The following EXTL1 variants were observed in gnomAD, a reference collection of about 807,000 sequenced individuals.
The protein encoded by EXTL1 is exostosin like glycosyltransferase 1.
Under a neutral mutation model 64.6 loss-of-function variants are expected in EXTL1, and 43 were observed. That is an observed-to-expected ratio of 0.67 (90% CI 0.52 to 0.86). The LOEUF (loss-of-function observed/expected upper bound fraction) is 0.86, where lower values mean the gene tolerates loss of function less well. Ranked by LOEUF, EXTL1 falls within the 40% of genes least tolerant of loss-of-function variation. EXTL1 has a pLI of 0.00. For missense variants in EXTL1, 766 were observed against 879.0 expected (o/e 0.87, Z 1.62); for synonymous variants, 352 against 360.5 (o/e 0.98, Z 0.27).
chr1:26,034,803 T>C lies in EXTL1; in HGVS notation c.1680-33T>C, dbSNP rs1214946204. ...AATGGGGCCTGGGGATGGATTTGGC[T>C]GCAGCCTCTCCCTGTCTTTTCCTCT... On this transcript the variant is annotated intron_variant, in intron 9 of 10. Coordinates refer to ENST00000374280, the MANE Select transcript of EXTL1 (RefSeq NM_004455.3). This position sits in a 1 kb window ranked among gnomAD's most constrained non-coding sequence, Gnocchi z 4.6. The C allele has an allele frequency of 6.2e-7, 1 of 1,601,048 alleles. No individual in the cohort carries two copies. The highest frequency in any genetic ancestry group is 8.5e-7 in the Non-Finnish European group (1 of 1,170,518).
intron 1 of EXTL1, among the ~76,000 whole-genome samples, chr1:26,027,207 A>C (rs530016828): frequency 6.6e-6 from 1 of 152,172 alleles, no homozygotes; most frequent in Non-Finnish European, 1.5e-5. Context: ...AGAGACAGGC[A>C]AGTCAATTGT....
At chr1:26,030,384 G>C in intron 3 of EXTL1, 92 bp from the exon 4 acceptor site, 1 of 907,776 alleles carries the variant, frequency 1.1e-6, no homozygotes, top group East Asian at 2.8e-5. Flanking sequence ...TCAGGCTGGA[G>C]TGCAGTGGCA....
In EXTL1 at chr1:26,033,870, C is replaced by G; in HGVS notation, c.1679+14C>G. The G allele has an allele frequency of 6.2e-7, 1 of 1,606,896 alleles. No homozygotes were observed. Among genetic ancestry groups the G allele is most frequent in the African/African-American group, 1.3e-5 (1 of 74,796 alleles). ...CTTCTACCATAGGTACAGACCCCTA[C>G]CCTGCACAGGGATCAGAGTATCAGA... On this transcript the variant is annotated intron_variant, in intron 9 of 10. Transcript: ENST00000374280. This position sits in a 1 kb window ranked among gnomAD's most constrained non-coding sequence, Gnocchi z 5.1.
rs2050319939 is a variant in EXTL1 at position 26,034,662 on chromosome 1, G to A, written c.1680-174G>A. Among the ~76,000 whole-genome samples, 1 of 152,198 alleles carries A rather than the reference G, an allele frequency of 6.6e-6. No homozygotes were observed. The highest frequency in any genetic ancestry group is 2.1e-4 in the South Asian group (1 of 4,828). ...ACACCACTAACTGCAGATAAGCCAC[G>A]GGGCACAGCACAATGGAGAGCTGTT... On this transcript the variant is annotated intron_variant, in intron 9 of 10. Coordinates refer to ENST00000374280, the MANE Select transcript of EXTL1 (RefSeq NM_004455.3). The surrounding 1 kb of genome is among the most constrained non-coding windows in gnomAD (Gnocchi z 4.6).
chr1:26,024,991 A>C (rs376505105), intron 1 of EXTL1, among the ~76,000 whole-genome samples: 1 of 152,130 alleles, frequency 6.6e-6, no homozygotes, highest in Non-Finnish European at 1.5e-5. Context: ...CGGTTTTCTA[A>C]TTAGCGTGGG....
At position 26,022,339 on chromosome 1, in the gene EXTL1, C is replaced by A; in HGVS notation, c.-308C>A. ...CGTCAGCCAGAGCAGTGCCCAGGGG[C>A]AGGGGTCCCTGCTGGGAGGGAAAAG... On this transcript the variant is annotated 5_prime_UTR_variant, in exon 1 of 11. Coordinates refer to ENST00000374280, the MANE Select transcript of EXTL1 (RefSeq NM_004455.3). 1 of 343,446 alleles carries A rather than the reference C, an allele frequency of 2.9e-6. No individual in the cohort carries two copies. The highest frequency in any genetic ancestry group is 5.3e-6 in the Non-Finnish European group (1 of 188,066). The allele number at this position is 343,446 out of a possible 1,614,324, so 21.3% of individuals were successfully genotyped here.
Position 26,036,263 on chromosome 1 carries a change from T to C in EXTL1, c.*916T>C, listed in dbSNP as rs1430345370. The stretch of plus-strand genomic sequence containing the variant: ...GAAATCTGAAGAACAGCCCCATCTC[T>C]TTCGCCTGCACACTTGGAACTCAGC... On this transcript the variant is annotated 3_prime_UTR_variant, in exon 11 of 11. Coordinates refer to ENST00000374280, the MANE Select transcript of EXTL1 (RefSeq NM_004455.3). This position sits in a 1 kb window ranked among gnomAD's most constrained non-coding sequence, Gnocchi z 5.2. 1.3e-5 allele frequency: 2 copies of C among 152,672 alleles called. No individual in the cohort carries two copies. Among genetic ancestry groups the C allele is most frequent in the African/African-American group, 2.4e-5 (1 of 41,528 alleles). 9.5% of individuals were successfully genotyped at this position (152,672 alleles called of 1,614,324 possible).
In EXTL1 at chr1:26,021,917, C is replaced by T. The variant is rs2050152806; in HGVS notation, c.-730C>T. 6.5e-6 allele frequency: 1 copy of T among 152,760 alleles called. No individual in the cohort carries two copies. The highest frequency in any genetic ancestry group is 1.5e-5 in the Non-Finnish European group (1 of 68,460). 9.5% of individuals were successfully genotyped at this position (152,760 alleles called of 1,614,324 possible). On this transcript the variant is annotated 5_prime_UTR_variant, in exon 1 of 11. Transcript: ENST00000374280. ...GCTGCGGGGAAGAGGGGCTGCACTT[C>T]CTGAGCTGGTGCAGCGGCAGAGTGG... is the stretch of plus-strand genomic sequence containing the variant.
rs1380819682 is a variant in EXTL1 at position 26,029,590 on chromosome 1, C to T, written c.874-10C>T. On this transcript the variant is annotated splice_polypyrimidine_tract_variant and intron_variant, in intron 2 of 10. Transcript: ENST00000374280. Reference sequence around the variant, plus strand: ...GGGCTGGGCTCCCCAGTGACCTCCCCGCCCCCCAGGCCGGCTGCATCCCAG... The same window carrying T: ...GGGCTGGGCTCCCCAGTGACCTCCCTGCCCCCCAGGCCGGCTGCATCCCAG... The T allele has an allele frequency of 2.6e-5, 41 of 1,563,006 alleles. No individual in the cohort carries two copies. The highest frequency in any genetic ancestry group is 4.6e-5 in the South Asian group (4 of 87,848).
chr1:26,027,260 T>A (rs967146155), intron 1 of EXTL1, among the ~76,000 whole-genome samples: 1 of 152,138 alleles, frequency 6.6e-6, no homozygotes, highest in African/African-American at 2.4e-5. Flanking sequence ...ACCGGCTGCC[T>A]CCCTGGCTCC....
In EXTL1 at chr1:26,033,181, TG is replaced by T; in HGVS notation, c.1432-42del. 3.8e-6 allele frequency: 5 copies of T among 1,300,332 alleles called. No homozygotes were observed. The highest frequency in any genetic ancestry group is 5.6e-6 in the Non-Finnish European group (5 of 900,284). The allele number at this position is 1,300,332 out of a possible 1,614,324, so 80.5% of individuals were successfully genotyped here. A position where few individuals can be genotyped will look rare whatever the true frequency, so the allele number is the denominator to read the frequency against. On this transcript the variant is annotated intron_variant, in intron 7 of 10. Transcript: ENST00000374280. The surrounding 1 kb of genome is among the most constrained non-coding windows in gnomAD (Gnocchi z 5.1). ...ATGGCTCCTACTTATTGGATGGGGGTGGGGGGAATGTTCCAATGGCTGAGTT... is the reference window on the plus strand; with the variant it reads ...ATGGCTCCTACTTATTGGATGGGGGTGGGGGAATGTTCCAATGGCTGAGTT...
chr1:26,023,052 C>T lies in EXTL1; in HGVS notation c.406C>T (p.Leu136Phe), dbSNP rs745626569. The change falls in exon 1 of 11, where the codon CTC becomes TTC. Residue 136 changes from leucine (L) to phenylalanine (F), a missense_variant. This residue lies in a region of EXTL1 where 571 missense variants were observed against 647.6 expected (regional missense o/e 0.88). Transcript: ENST00000374280. ...FSPAGACLLLLLSLDAQTGEC... is the reference protein window; with the variant it reads ...FSPAGACLLLFLSLDAQTGEC... ...CCCTGCTGGGGCCTGCCTCCTCCTC[C>T]TCCTCAGCCTGGACGCCCAGACTGG... The T allele has an allele frequency of 2.2e-5, 35 of 1,613,822 alleles. No homozygotes were observed. Among genetic ancestry groups the T allele is most frequent in the Non-Finnish European group, 2.9e-5 (34 of 1,179,948 alleles).
intron 3 of EXTL1, 109 bp from the exon 4 acceptor site, chr1:26,030,367 C>G: frequency 1.2e-4 from 53 of 452,304 alleles, no homozygotes; most frequent in East Asian, 2.2e-4. Flanking sequence ...GGATCTTGCT[C>G]TGTTGCTCAG....
In EXTL1 at chr1:26,023,145, G is replaced by A. The variant is rs1432016753; in HGVS notation, c.499G>A (p.Ala167Thr). 6.2e-7 allele frequency: 1 copy of A among 1,613,934 alleles called. No individual in the cohort carries two copies. The highest frequency in any genetic ancestry group is 1.1e-5 in the South Asian group (1 of 91,078). Reference protein sequence around the residue: ...RNHLVLRLHPAPCPRTFQLGQ... With the variant: ...RNHLVLRLHPTPCPRTFQLGQ... ...CCATCTGGTCCTCCGTCTCCACCCGGCTCCCTGCCCCAGGACCTTCCAGCT... is the reference window on the plus strand; with the variant it reads ...CCATCTGGTCCTCCGTCTCCACCCGACTCCCTGCCCCAGGACCTTCCAGCT... Residue 167 changes from alanine to threonine, a missense_variant, in exon 1 of 11, where the codon GCT (alanine) becomes ACT (threonine). Physicochemically the swap from Ala to Thr is moderately conservative, Grantham distance 58. Around this residue, in one of 3 missense-constraint regions of EXTL1, gnomAD observed 571 missense variants for 647.6 expected, o/e 0.88. Transcript: ENST00000374280.
chr1:26,033,235 G>A lies in EXTL1; in HGVS notation c.1438G>A (p.Asp480Asn). The A allele has an allele frequency of 6.2e-7, 1 of 1,613,000 alleles. No individual in the cohort carries two copies. The change falls in exon 8 of 11, where the codon GAT (aspartate) becomes AAT (asparagine). Residue 480 changes from aspartate to asparagine, a missense_variant. Asp to Asn is a conservative substitution (Grantham distance 23). Coordinates refer to ENST00000374280, the MANE Select transcript of EXTL1 (RefSeq NM_004455.3). The surrounding 1 kb of genome is among the most constrained non-coding windows in gnomAD (Gnocchi z 5.1). ...TVIDGHRKVSDRFYPYSTIRT... is the reference protein window; with the variant it reads ...TVIDGHRKVSNRFYPYSTIRT... ...CCTCCCCCACTCCCTGCAGGTTAGT[G>A]ATCGCTTCTACCCATATAGCACCAT... is the stretch of plus-strand genomic sequence containing the variant.
In EXTL1 at chr1:26,035,258, C is replaced by G; in HGVS notation, c.1942C>G (p.Leu648Val). 1.2e-5 allele frequency: 19 copies of G among 1,613,714 alleles called. No homozygotes were observed. Among genetic ancestry groups the G allele is most frequent in the Non-Finnish European group, 1.6e-5 (19 of 1,179,956 alleles). Residue 648 changes from leucine to valine, a missense_variant, in exon 11 of 11, where the codon CTG (leucine) becomes GTG (valine). Coordinates refer to ENST00000374280, the MANE Select transcript of EXTL1 (RefSeq NM_004455.3). This position sits in a 1 kb window ranked among gnomAD's most constrained non-coding sequence, Gnocchi z 5.3. ...GGCAGCGTTCGGCCACATGCCCTTGCTGTCCTCTCGTCTGCGTCTGGACCC... is the reference window on the plus strand; with the variant it reads ...GGCAGCGTTCGGCCACATGCCCTTGGTGTCCTCTCGTCTGCGTCTGGACCC... ...IAAAFGHMPLLSSRLRLDPVL... is the reference protein window; with the variant it reads ...IAAAFGHMPLVSSRLRLDPVL...
Position 26,035,391 on chromosome 1 carries a change from C to T in EXTL1, c.*44C>T. On this transcript the variant is annotated 3_prime_UTR_variant, in exon 11 of 11. Coordinates refer to ENST00000374280, the MANE Select transcript of EXTL1 (RefSeq NM_004455.3). This position sits in a 1 kb window ranked among gnomAD's most constrained non-coding sequence, Gnocchi z 5.3. The stretch of plus-strand genomic sequence containing the variant: ...CCCCAGCAGAGGTCGCAGCCCAGCT[C>T]CCAGGGGGCCCGGCGCCTGCCGGCG... 1 of 1,523,418 alleles carries T rather than the reference C, an allele frequency of 6.6e-7. No individual in the cohort carries two copies. Among genetic ancestry groups the T allele is most frequent in the Non-Finnish European group, 8.9e-7 (1 of 1,128,652 alleles). 94.4% of individuals were successfully genotyped at this position (1,523,418 alleles called of 1,614,324 possible). A position where few individuals can be genotyped will look rare whatever the true frequency, so the allele number is the denominator to read the frequency against.
intron 3 of EXTL1, 111 bp from the exon 4 acceptor site, chr1:26,030,365 C>A: frequency 4.4e-6 from 2 of 457,766 alleles, no homozygotes; most frequent in Non-Finnish European, 7.1e-6. Context: ...TAGGATCTTG[C>A]TCTGTTGCTC....
intron 1 of EXTL1, among the ~76,000 whole-genome samples, chr1:26,027,355 A>G (rs2050227610): frequency 6.6e-6 from 1 of 152,176 alleles, no homozygotes; most frequent in African/African-American, 2.4e-5. Flanking sequence ...CTCCCCTCCT[A>G]TCTCATAGAG....
Sources: allele counts gnomAD v4.1 joint callset (sites outside exome capture counted in the v4.1 genomes callset), GRCh38; gene constraint gnomAD v4.1.1; regional missense constraint gnomAD v4.1.1; non-coding constraint Gnocchi (gnomAD v3.1); transcripts MANE v1.5; gene names NCBI Gene and HGNC (gene_info 2026-07-23, HGNC 2026-07-21).